Variants in PRDM16 observed in about 807,000 individuals in gnomAD.
PRDM16 encodes the protein PR/SET domain 16, also known as histone-lysine N-methyltransferase PRDM16.
A neutral mutation model predicts 110.6 loss-of-function variants in PRDM16; 23 were observed. The observed-to-expected ratio is 0.21, with a 90% CI of 0.15 to 0.29. The LOEUF (loss-of-function observed/expected upper bound fraction) is 0.29, where lower values mean the gene tolerates loss of function less well. PRDM16 is among the 10% of genes least tolerant of loss of function. The pLI is 1.00. For synonymous variants in PRDM16, 799 were observed against 781.8 expected (o/e 1.02, Z -0.37); for missense variants, 1,615 against 1,794.3 (o/e 0.90, Z 1.81).
intron 3 of PRDM16, among the ~76,000 whole-genome samples, chr1:3,273,472 G>A (rs1640504300): frequency 6.6e-6 from 1 of 152,042 alleles, no homozygotes; most frequent in Non-Finnish European, 1.5e-5. Flanking sequence ...GTGAGTGAAT[G>A]TGTGTGCACA....
intron 1 of PRDM16, among the ~76,000 whole-genome samples, chr1:3,181,848 G>GGTCTTACACACGCA (rs1227207411): frequency 2.4e-4 from 20 of 83,246 alleles, no homozygotes; most frequent in Non-Finnish European, 4.8e-4. Flanking sequence ...TCTTACACAC[G>GGTCTTACACACGCA]GTCTTACACA....
intron 2 of PRDM16, among the ~76,000 whole-genome samples, chr1:3,242,820 T>C (rs1171057372): frequency 6.6e-6 from 1 of 152,236 alleles, no homozygotes; most frequent in Non-Finnish European, 1.5e-5. Flanking sequence ...CATCATTTTC[T>C]CGTTTTATTT....
At chr1:3,139,180 G>T (rs900456192) in intron 1 of PRDM16, among the ~76,000 whole-genome samples, 6 of 151,832 alleles carry the variant, frequency 4.0e-5, no homozygotes, top group African/African-American at 1.5e-4. Flanking sequence ...GCTTCATCGG[G>T]GAGAGGGGGA....
intron 1 of PRDM16, among the ~76,000 whole-genome samples, chr1:3,174,501 G>A (rs1331180999): frequency 1.3e-5 from 2 of 152,144 alleles, no homozygotes; most frequent in East Asian, 3.9e-4. Flanking sequence ...CTTGCCTGCT[G>A]TGTGACCTGG....
chr1:3,321,656 C>G (rs1212202727), intron 3 of PRDM16, among the ~76,000 whole-genome samples: 1 of 150,214 alleles, frequency 6.7e-6, no homozygotes, highest in Non-Finnish European at 1.5e-5. Context: ...TGTGATGTGC[C>G]CAATGTGTGG....
In PRDM16 at chr1:3,412,635, C is replaced by G. The variant is rs1304823527; in HGVS notation, c.2438C>G (p.Ala813Gly). ...CTGAGCATCGGCAGCCGGGCCCGTGCCAGCCAAAACGGCGGCGGGCGGGAG... is the reference window on the plus strand; with the variant it reads ...CTGAGCATCGGCAGCCGGGCCCGTGGCAGCCAAAACGGCGGCGGGCGGGAG... Reference protein sequence around the residue: ...LDLSIGSRARASQNGGGREPR... With the variant: ...LDLSIGSRARGSQNGGGREPR... The change falls in exon 9 of 17, where the codon GCC (alanine) becomes GGC (glycine). Residue 813 changes from alanine to glycine, a missense_variant. Around this residue, in one of 5 missense-constraint regions of PRDM16, gnomAD observed 772 missense variants for 748.3 expected, o/e 1.03. Transcript: ENST00000270722. 3 of 1,572,942 alleles carry G rather than the reference C, an allele frequency of 1.9e-6. No homozygotes were observed. Among genetic ancestry groups the G allele is most frequent in the South Asian group, 1.1e-5 (1 of 87,768 alleles).
rs534355177 is a variant in PRDM16, at chr1:3,204,547, G to A, written c.387+18073G>A. ...CCCTGCCCCTGTCCCAGGGGAGCCC[G>A]TGGCTCCGTTTCTGAACCAGTGTGT... On this transcript the variant is annotated intron_variant, in intron 2 of 16. Coordinates refer to ENST00000270722, the MANE Select transcript of PRDM16 (RefSeq NM_022114.4). 5.9e-5 allele frequency among the ~76,000 whole-genome samples: 9 copies of A among 152,324 alleles called. No homozygotes were observed. The East Asian group carries it at 9.7e-4, about 16-fold the overall frequency.
chr1:3,177,061 A>G (rs1644099486), intron 1 of PRDM16, among the ~76,000 whole-genome samples: 1 of 151,818 alleles, frequency 6.6e-6, no homozygotes, highest in Admixed American at 6.6e-5. Context: ...TCATCCATCC[A>G]CTCATGTATC....
At chr1:3,284,051 G>A (rs1350450792) in intron 3 of PRDM16, among the ~76,000 whole-genome samples, 2 of 152,208 alleles carry the variant, frequency 1.3e-5, no homozygotes, top group East Asian at 1.9e-4. Context: ...GCCTGGGGGG[G>A]CCTGGAGCTG....
intron 1 of PRDM16, among the ~76,000 whole-genome samples, chr1:3,183,891 G>T (rs990458100): frequency 1.3e-5 from 2 of 152,220 alleles, no homozygotes; most frequent in African/African-American, 2.4e-5. Flanking sequence ...CCACGCCCGA[G>T]AGGAGTTAAG....
Position 3,269,790 on chromosome 1 carries a change from C to CCCGGAGGAGGACAGTGGGGAGGACAG in PRDM16, c.438+25653_438+25654insCCGGAGGAGGACAGTGGGGAGGACAG, listed in dbSNP as rs1282869851. Among the ~76,000 whole-genome samples, 2 of 145,408 alleles carry CCCGGAGGAGGACAGTGGGGAGGACAG rather than the reference C, an allele frequency of 1.4e-5. 1 individual carries two copies. Among genetic ancestry groups the CCCGGAGGAGGACAGTGGGGAGGACAG allele is most frequent in the African/African-American group, 5.3e-5 (2 of 37,990 alleles). ...GAGGACAGTCCCAGAGGAGGAAAGT[C>CCCGGAGGAGGACAGTGGGGAGGACAG]TCAGAGGAGGACAGTCCCAGAGAAT... On this transcript the variant is annotated intron_variant, in intron 3 of 16. Coordinates refer to ENST00000270722, the MANE Select transcript of PRDM16 (RefSeq NM_022114.4).
chr1:3,250,239 C>T (rs935631778), intron 3 of PRDM16, among the ~76,000 whole-genome samples: 16 of 151,998 alleles, frequency 1.1e-4, no homozygotes, highest in African/African-American at 3.4e-4. Flanking sequence ...AGGGAGGGGC[C>T]GCAGCCACAG....
chr1:3,357,827 G>T (rs1032294677), intron 3 of PRDM16, among the ~76,000 whole-genome samples: 7 of 152,214 alleles, frequency 4.6e-5, no homozygotes, highest in African/African-American at 1.7e-4. Flanking sequence ...TAGCTGGCAC[G>T]TAGGAGCCCT....
chr1:3,325,921 TCCTCGGCCCTCTTGGC>T (rs1641881898), intron 3 of PRDM16, among the ~76,000 whole-genome samples: 1 of 102,694 alleles, frequency 9.7e-6, no homozygotes, highest in Non-Finnish European at 2.0e-5. Flanking sequence ...TCCTTGGCCC[TCCTCGGCCCTCTTGGC>T]CCTCCTTGGC....
chr1:3,100,508 C>G (rs1642505997), intron 1 of PRDM16, among the ~76,000 whole-genome samples: 1 of 152,106 alleles, frequency 6.6e-6, no homozygotes, highest in Non-Finnish European at 1.5e-5. Flanking sequence ...AACCTCCACG[C>G]CCTGCCCTCA....
intron 1 of PRDM16, among the ~76,000 whole-genome samples, chr1:3,101,878 A>C (rs1642540648): frequency 6.6e-6 from 1 of 152,210 alleles, no homozygotes; most frequent in Admixed American, 6.5e-5. Context: ...GGAGACCCCC[A>C]GTCCCAGCTG....
chr1:3,134,178 C>T (rs1643390285), intron 1 of PRDM16, among the ~76,000 whole-genome samples: 1 of 152,122 alleles, frequency 6.6e-6, no homozygotes, highest in Admixed American at 6.5e-5. Context: ...CACCTCCCGG[C>T]GCTGATGTCC....
chr1:3,309,305 G>A (rs757415731), intron 3 of PRDM16: 12 of 152,242 alleles, frequency 7.9e-5, no homozygotes, highest in Non-Finnish European at 1.3e-4. Flanking sequence ...GAGGGGTCAT[G>A]GGGAAAGAAA....
chr1:3,374,170 T>C (rs1159443382), intron 3 of PRDM16, among the ~76,000 whole-genome samples: 3 of 152,088 alleles, frequency 2.0e-5, no homozygotes, highest in Non-Finnish European at 4.4e-5. Context: ...AGGGCCGGCT[T>C]TTCATGTTGC....
Sources: allele counts gnomAD v4.1 joint callset (sites outside exome capture counted in the v4.1 genomes callset), GRCh38; gene constraint gnomAD v4.1.1; regional missense constraint gnomAD v4.1.1; transcripts MANE v1.5; gene names NCBI Gene and HGNC (gene_info 2026-07-23, HGNC 2026-07-21).